The following SNTG2 variants were observed in gnomAD, a reference collection of about 807,000 sequenced individuals.
The protein encoded by SNTG2 is syntrophin gamma 2.
In SNTG2, 74 loss-of-function variants were observed where a neutral mutation model predicts 70.9. The observed-to-expected ratio is 1.04, with a 90% CI of 0.86 to 1.27. SNTG2 has a LOEUF of 1.27. Among genes scored for constraint, SNTG2 ranks in the 50% most tolerant of loss-of-function variants. SNTG2 has a pLI of 0.00. For missense variants in SNTG2, 717 were observed against 690.7 expected (o/e 1.04, Z -0.43); for synonymous variants, 278 against 273.8 (o/e 1.02, Z -0.15).
intron 1 of SNTG2, among the ~76,000 whole-genome samples, chr2:968,391 C>T (rs1660636966): frequency 6.6e-6 from 1 of 151,974 alleles, no homozygotes; most frequent in Non-Finnish European, 1.5e-5. Context: ...AATCAGTCTC[C>T]CAGTTAATTA....
chr2:993,339 A>C (rs978794943), intron 1 of SNTG2, among the ~76,000 whole-genome samples: 1 of 150,876 alleles, frequency 6.6e-6, no homozygotes, highest in Non-Finnish European at 1.5e-5. Flanking sequence ...TGCACATTAT[A>C]GTATTAGACC....
At chr2:1,172,221 TC>T (rs2147881236) in intron 7 of SNTG2, among the ~76,000 whole-genome samples, 1 of 152,254 alleles carries the variant, frequency 6.6e-6, no homozygotes, top group Admixed American at 6.5e-5. Context: ...ACTCAGGTGA[TC>T]TAACAACAGG....
chr2:1,177,696 CAA>C (rs1671576778), intron 8 of SNTG2, among the ~76,000 whole-genome samples: 1 of 143,938 alleles, frequency 6.9e-6, no homozygotes, highest in Non-Finnish European at 1.5e-5. Context: ...TATTTTCTGA[CAA>C]AAAAGAGATA....
chr2:1,297,286 C>T (rs1235706812), intron 14 of SNTG2, among the ~76,000 whole-genome samples: 3 of 152,208 alleles, frequency 2.0e-5, no homozygotes, highest in Non-Finnish European at 4.4e-5. Context: ...GGCTGAACTT[C>T]AGTGCATGCA....
At chr2:1,284,482 C>T (rs542623034) in intron 14 of SNTG2, among the ~76,000 whole-genome samples, 1 of 152,252 alleles carries the variant, frequency 6.6e-6, no homozygotes, top group South Asian at 2.1e-4. Context: ...GAGTCTCCAA[C>T]GTATCACAGT....
intron 1 of SNTG2, among the ~76,000 whole-genome samples, chr2:1,005,804 A>T (rs1659544069): frequency 8.4e-6 from 1 of 118,694 alleles, no homozygotes; most frequent in African/African-American, 3.2e-5. Flanking sequence ...ACTCTGCCTC[A>T]AAATATATAT....
At chr2:975,337 A>G (rs1043779010) in intron 1 of SNTG2, among the ~76,000 whole-genome samples, 7 of 151,702 alleles carry the variant, frequency 4.6e-5, no homozygotes, top group African/African-American at 1.7e-4. Flanking sequence ...ACCCATGAGC[A>G]AACACCACAT....
chr2:1,081,568 G>C (rs935807978), intron 1 of SNTG2, among the ~76,000 whole-genome samples: 2 of 152,240 alleles, frequency 1.3e-5, no homozygotes, highest in African/African-American at 4.8e-5. Context: ...GGGCCAGGGG[G>C]CCTGGGTCCA....
chr2:974,984 T>G (rs111273946), intron 1 of SNTG2, among the ~76,000 whole-genome samples: 81 of 152,316 alleles, frequency 5.3e-4, no homozygotes, highest in African/African-American at 1.9e-3. Flanking sequence ...TTAGGTCATT[T>G]GAAACAGAGA....
At chr2:1,321,756 CAATT>C (rs1681533593) in intron 16 of SNTG2, among the ~76,000 whole-genome samples, 2 of 151,630 alleles carry the variant, frequency 1.3e-5, no homozygotes, top group African/African-American at 2.4e-5. Context: ...AGAGCATAAA[CAATT>C]AATATGATAC....
chr2:1,226,972 G>GT (rs1279722436), intron 9 of SNTG2, among the ~76,000 whole-genome samples: 4 of 152,204 alleles, frequency 2.6e-5, no homozygotes, highest in Non-Finnish European at 5.9e-5. Flanking sequence ...CACAGCACCT[G>GT]TAACAGGCAG....
chr2:1,237,829 C>T (rs1381567321), intron 9 of SNTG2, 59 bp from the exon 10 acceptor site: 10 of 1,541,354 alleles, frequency 6.5e-6, no homozygotes, highest in Middle Eastern at 2.0e-4. Context: ...TCGAAACTCA[C>T]GGAGGCAGGC....
At chr2:1,286,826 C>T (rs1415794192) in intron 14 of SNTG2, among the ~76,000 whole-genome samples, 6 of 152,216 alleles carry the variant, frequency 3.9e-5, no homozygotes, top group African/African-American at 1.4e-4. Flanking sequence ...TTGCATCCTT[C>T]AATCCAATCG....
intron 16 of SNTG2, among the ~76,000 whole-genome samples, chr2:1,365,618 A>C (rs11684551): frequency 0.72 from 109,659 of 151,940 alleles, 39,869 homozygotes; most frequent in East Asian, 0.94. Context: ...TATTAGAACA[A>C]GCTTCAGGTA....
chr2:1,037,020 G>A (rs1225438672), intron 1 of SNTG2, among the ~76,000 whole-genome samples: 2 of 152,224 alleles, frequency 1.3e-5, no homozygotes, highest in East Asian at 1.9e-4. Context: ...AGGGGCACCC[G>A]TGCCTTGCAG....
chr2:959,039 A>G (rs1660263730), intron 1 of SNTG2, among the ~76,000 whole-genome samples: 1 of 152,214 alleles, frequency 6.6e-6, no homozygotes, highest in African/African-American at 2.4e-5. Flanking sequence ...TTGTAGCAAC[A>G]AAATGAAATA....
chr2:1,252,179 T>C (rs1279157314), intron 12 of SNTG2, among the ~76,000 whole-genome samples: 1 of 152,228 alleles, frequency 6.6e-6, no homozygotes, highest in East Asian at 1.9e-4. Flanking sequence ...TCATTTCTTC[T>C]GGATCTGGAT....
intron 16 of SNTG2, among the ~76,000 whole-genome samples, chr2:1,326,600 T>TC (rs111387204): frequency 0.027 from 4,096 of 151,846 alleles, 180 homozygotes; most frequent in African/African-American, 0.093. Context: ...TCTGTCACTC[T>TC]CCCCCCCACC....
intron 1 of SNTG2, among the ~76,000 whole-genome samples, chr2:1,079,255 A>T (rs6548181): frequency 6.6e-6 from 1 of 152,272 alleles, no homozygotes; most frequent in East Asian, 1.9e-4. Flanking sequence ...CTGGAGGGCT[A>T]CAGGTGATGT....
Sources: gnomAD v4.1 joint callset for allele counts (sites outside exome capture counted in the v4.1 genomes callset) on GRCh38, gnomAD v4.1.1 for gene constraint, MANE v1.5 for transcripts, NCBI Gene and HGNC (gene_info 2026-07-23, HGNC 2026-07-21) for gene names.